Variants in PADI3 observed in about 807,000 individuals in gnomAD.
The protein encoded by PADI3 is protein-arginine deiminase type-3.
In PADI3, 53 loss-of-function variants were observed where a neutral mutation model predicts 71.5. That is an observed-to-expected ratio of 0.74 (90% CI 0.59 to 0.93). The LOEUF is 0.93. PADI3 is among the 40% of genes least tolerant of loss of function. The probability of loss-of-function intolerance (pLI) is 0.00; values close to 1 mark genes in which losing one functional copy is unlikely to be tolerated. For synonymous variants in PADI3, 361 were observed against 347.5 expected, an observed-to-expected ratio of 1.04 and a Z score of -0.43; for missense variants, 821 against 868.0, an observed-to-expected ratio of 0.95 and a Z score of 0.68.
intron 4 of PADI3, 147 bp downstream of exon 4, chr1:17,265,867 C>A: frequency 1.5e-6 from 1 of 682,144 alleles, no homozygotes; most frequent in Admixed American, 2.4e-5. Context: ...CCAGGCATGG[C>A]TGGGGATCTT....
Position 17,276,760 on chromosome 1 carries a change from T to C in PADI3, c.1453-14T>C, listed in dbSNP as rs559787210. ...AAGGCAGGAGGCTCAGCTGAATCTG[T>C]TCTCTGCACGCAGGGCTTCCGGATG... On this transcript the variant is annotated splice_polypyrimidine_tract_variant and intron_variant, in intron 12 of 15. Transcript: ENST00000375460. 6.8e-6 allele frequency: 11 copies of C among 1,613,656 alleles called. No homozygotes were observed. The South Asian group carries it at 1.1e-4, about 16-fold the overall frequency.
At chr1:17,251,338 G>T (rs1249935485) in intron 1 of PADI3, among the ~76,000 whole-genome samples, 1 of 152,164 alleles carries the variant, frequency 6.6e-6, no homozygotes, top group African/African-American at 2.4e-5. Flanking sequence ...TCCTCAGCCT[G>T]CGGGCCAACA....
At position 17,283,252 on chromosome 1, in the gene PADI3, T is replaced by C. The variant is rs1251146194; in HGVS notation, c.*173T>C. ...TCCCTGGAAGTGTCCATGCCTCACC[T>C]GCAACCCATGTGGTTCTCAGACTTG... On this transcript the variant is annotated 3_prime_UTR_variant, in exon 16 of 16. Coordinates refer to ENST00000375460, the MANE Select transcript of PADI3 (RefSeq NM_016233.2). 2 of 591,178 alleles carry C rather than the reference T, an allele frequency of 3.4e-6. No homozygotes were observed. The highest frequency in any genetic ancestry group is 6.1e-6 in the Non-Finnish European group (2 of 330,576). 36.6% of individuals were successfully genotyped at this position (591,178 alleles called of 1,614,324 possible).
chr1:17,259,932 C>T (rs1357355481), intron 2 of PADI3, among the ~76,000 whole-genome samples, 174 bp downstream of exon 2: 1 of 152,230 alleles, frequency 6.6e-6, no homozygotes, highest in Non-Finnish European at 1.5e-5. Context: ...CAGACACATA[C>T]CATGTGTCCT....
intron 1 of PADI3, among the ~76,000 whole-genome samples, chr1:17,254,717 A>AG (rs1553132969): frequency 7.8e-6 from 1 of 128,480 alleles, no homozygotes. Context: ...AGGCTCCAGC[A>AG]TTTTTTTTTT....
chr1:17,254,364 T>A (rs4920584), intron 1 of PADI3, among the ~76,000 whole-genome samples: 14,027 of 152,140 alleles, frequency 0.092, 688 homozygotes, highest in South Asian at 0.2. Context: ...AACTTTCCCA[T>A]CAGTTTCTCA....
chr1:17,274,488 C>A, intron 10 of PADI3, 147 bp from the exon 11 acceptor site: 4 of 655,430 alleles, frequency 6.1e-6, no homozygotes, highest in Non-Finnish European at 1.1e-5. Flanking sequence ...GGGTCAGATC[C>A]CCCACCCACC....
chr1:17,257,611 G>A (rs1031295935), intron 1 of PADI3, among the ~76,000 whole-genome samples: 3 of 152,246 alleles, frequency 2.0e-5, no homozygotes, highest in Non-Finnish European at 4.4e-5. Context: ...ACACCAGAGT[G>A]GGACCTGCCT....
intron 15 of PADI3, 112 bp downstream of exon 15, chr1:17,280,908 G>A (rs992026034): frequency 7.4e-7 from 1 of 1,351,790 alleles, no homozygotes. Flanking sequence ...GCCAGTGGGG[G>A]TGGCAGGGAG....
At chr1:17,276,948 G>A (rs996012857) in intron 13 of PADI3, 72 bp downstream of exon 13, 35 of 1,317,672 alleles carry the variant, frequency 2.7e-5, no homozygotes, top group Middle Eastern at 2.5e-4. Context: ...ATCATGGCTT[G>A]AGAGGGGGAG....
Position 17,271,084 on chromosome 1 carries a change from G to A in PADI3, c.953G>A (p.Cys318Tyr), listed in dbSNP as rs35340855. 3,691 of 1,614,110 alleles carry A rather than the reference G, an allele frequency of 2.3e-3. 75 individuals carry two copies. In the African/African-American group the frequency reaches 0.043, roughly 19 times the overall value. ...GTCCGTAGTGTGAGGAACAACACGT[G>A]TTTTGTGGATGCGGTGGCAGAGCTG... ...VYVCRVRNNT[C>Y]FVDAVAELAR... Residue 318 changes from cysteine (C) to tyrosine (Y), a missense_variant, in exon 9 of 16, where the codon TGT (cysteine) becomes TAT (tyrosine). Physicochemically the swap from Cys to Tyr is radical, Grantham distance 194. Coordinates refer to ENST00000375460, the MANE Select transcript of PADI3 (RefSeq NM_016233.2).
At position 17,249,324 on chromosome 1, in the gene PADI3, C is replaced by T; in HGVS notation, c.92+95C>T. 6.9e-6 allele frequency: 7 copies of T among 1,008,056 alleles called. No homozygotes were observed. The South Asian group carries it at 7.7e-5, about 11-fold the overall frequency. The allele number at this position is 1,008,056 out of a possible 1,614,324, so 62.4% of individuals were successfully genotyped here. On this transcript the variant is annotated intron_variant, in intron 1 of 15. Coordinates refer to ENST00000375460, the MANE Select transcript of PADI3 (RefSeq NM_016233.2). The stretch of plus-strand genomic sequence containing the variant: ...CTGGGCAGGGCTTCTTCAGGGCCCA[C>T]TCCCCAGCCTTGGCCTCGGAACAGC...
Position 17,249,164 on chromosome 1 carries a change from G to A in PADI3, c.27G>A (p.Val9=), listed in dbSNP as rs746661336. 2 of 1,614,074 alleles carry A rather than the reference G, an allele frequency of 1.2e-6. No individual in the cohort carries two copies. The highest frequency in any genetic ancestry group is 1.7e-5 in the Admixed American group (1 of 60,000). MSLQRIVR[V]SLEHPTSAVC... is the part of the protein sequence containing the mutation. ...TGTCGCTGCAGAGAATCGTGCGTGTGTCCCTGGAGCATCCCACCAGCGCGG... is the reference window on the plus strand; with the variant it reads ...TGTCGCTGCAGAGAATCGTGCGTGTATCCCTGGAGCATCCCACCAGCGCGG... Residue 9 remains valine, a synonymous_variant, in exon 1 of 16, where the codon GTG becomes GTA. Coordinates refer to ENST00000375460, the MANE Select transcript of PADI3 (RefSeq NM_016233.2).
intron 2 of PADI3, among the ~76,000 whole-genome samples, chr1:17,260,734 AAGG>A (rs2073092739): frequency 6.6e-6 from 1 of 152,176 alleles, no homozygotes; most frequent in African/African-American, 2.4e-5. Context: ...GAAAACTAAG[AAGG>A]AGAAGGGGTG....
intron 5 of PADI3, among the ~76,000 whole-genome samples, chr1:17,267,492 G>A (rs2073185811): frequency 6.6e-6 from 1 of 152,162 alleles, no homozygotes; most frequent in Non-Finnish European, 1.5e-5. Context: ...GGAGGGGCTT[G>A]TCCAGGGTCA....
chr1:17,254,002 G>A (rs555669612), intron 1 of PADI3, among the ~76,000 whole-genome samples: 2 of 152,282 alleles, frequency 1.3e-5, no homozygotes, highest in East Asian at 3.9e-4. Context: ...TGTTTGATGC[G>A]AGAGCTCTGA....
chr1:17,265,205 G>T (rs2073152115), intron 3 of PADI3, among the ~76,000 whole-genome samples: 1 of 152,070 alleles, frequency 6.6e-6, no homozygotes, highest in Admixed American at 6.5e-5. Flanking sequence ...TGGGATGGGG[G>T]TGGGATTTGG....
chr1:17,279,288 G>A (rs567093330), intron 13 of PADI3, among the ~76,000 whole-genome samples: 3 of 152,186 alleles, frequency 2.0e-5, no homozygotes, highest in Non-Finnish European at 4.4e-5. Flanking sequence ...ACCTCAGTGC[G>A]CCAGGCCTCA....
At chr1:17,258,800 T>C (rs2073061476) in intron 1 of PADI3, among the ~76,000 whole-genome samples, 1 of 152,206 alleles carries the variant, frequency 6.6e-6, no homozygotes, top group South Asian at 2.1e-4. Flanking sequence ...CAGGGAAGAA[T>C]TCAAGGATAT....
Sources: allele counts gnomAD v4.1 joint callset (sites outside exome capture counted in the v4.1 genomes callset), GRCh38; gene constraint gnomAD v4.1.1; transcripts MANE v1.5; gene names NCBI Gene and HGNC (gene_info 2026-07-23, HGNC 2026-07-21).